PRKAR1A: variants seen among roughly 807,000 people sequenced by gnomAD.
PRKAR1A encodes the protein cAMP-dependent protein kinase type I-alpha regulatory subunit.
In PRKAR1A, 3 loss-of-function variants were observed where a neutral mutation model predicts 52.0. The ratio of observed to expected loss-of-function variants is 0.06; its 90% CI spans 0.03 to 0.15. The LOEUF (loss-of-function observed/expected upper bound fraction) is 0.15. Among genes scored for constraint, PRKAR1A ranks in the 10% least tolerant of loss-of-function variants. The pLI is 1.00. For missense variants in PRKAR1A, 240 were observed against 477.4 expected (o/e 0.50, Z 4.63); for synonymous variants, 188 against 168.4 (o/e 1.12, Z -0.90).
At chr17:68,429,950 T>A in the PRKAR1A span, 1 of 1,609,382 alleles carries the variant, frequency 6.2e-7, no homozygotes, top group Non-Finnish European at 8.5e-7. Flanking sequence ...GAAAAATACA[T>A]TGACGAAAGT....
At chr17:68,515,679 CTAAA>C (rs909432854) in intron 2 of PRKAR1A, 103 bp downstream of exon 2, 207 of 1,355,648 alleles carry the variant, frequency 1.5e-4, no homozygotes, top group African/African-American at 7.0e-4. Context: ...AGGAATCTGA[CTAAA>C]TAAAAAGTCT....
At chr17:68,486,498 CTT>C in the PRKAR1A span, among the ~76,000 whole-genome samples, 10 of 40,266 alleles carry the variant, frequency 2.5e-4, no homozygotes, top group African/African-American at 7.0e-4. Context: ...TCCTTCCTTC[CTT>C]CCTTCCTTCT....
At chr17:68,523,958 T>G (rs2085700157) in intron 4 of PRKAR1A, 58 bp from the exon 5 acceptor site, 5 of 1,600,934 alleles carry the variant, frequency 3.1e-6, no homozygotes, top group African/African-American at 1.3e-5. Context: ...AAGCTTAATG[T>G]TTGAAATTCA....
chr17:68,501,577 T>A, the PRKAR1A span, among the ~76,000 whole-genome samples: 5 of 152,318 alleles, frequency 3.3e-5, no homozygotes, highest in Middle Eastern at 3.4e-3. Flanking sequence ...CACCTCAGCT[T>A]CCTGTGTAGC....
chr17:68,530,271 C>A lies in PRKAR1A; in HGVS notation c.974-6C>A, dbSNP rs745570426. ...TTAGCCTGTTACCCATCTTTGCTTT[C>A]TCCAGGTGAAATTGCACTACTGATG... On this transcript the variant is annotated splice_region_variant and splice_polypyrimidine_tract_variant and intron_variant, in intron 10 of 10. Transcript: ENST00000589228. 1.9e-6 allele frequency: 3 copies of A among 1,613,956 alleles called. No homozygotes were observed. In the African/African-American group the frequency reaches 4.0e-5, roughly 22 times the overall value.
At chr17:68,465,346 G>A in the PRKAR1A span, among the ~76,000 whole-genome samples, 2 of 152,144 alleles carry the variant, frequency 1.3e-5, no homozygotes, top group East Asian at 1.9e-4. Context: ...GGTTTAATAC[G>A]CTTCCCTTCT....
At chr17:68,481,902 G>A in the PRKAR1A span, among the ~76,000 whole-genome samples, 1 of 152,228 alleles carries the variant, frequency 6.6e-6, no homozygotes, top group Non-Finnish European at 1.5e-5. Flanking sequence ...GGAGACATAT[G>A]TGTGTCGAGT....
At chr17:68,436,813 A>G in the PRKAR1A span, among the ~76,000 whole-genome samples, 4 of 152,182 alleles carry the variant, frequency 2.6e-5, no homozygotes, top group Non-Finnish European at 5.9e-5. Context: ...CCTGGCCAAC[A>G]TGGTGAAACC....
the PRKAR1A span, among the ~76,000 whole-genome samples, chr17:68,470,553 A>G: frequency 3.3e-5 from 5 of 152,208 alleles, no homozygotes; most frequent in Non-Finnish European, 5.9e-5. Flanking sequence ...TCTCTTCGAT[A>G]TCCTTTGCTT....
chr17:68,459,850 A>ATTT, the PRKAR1A span, among the ~76,000 whole-genome samples: 4 of 147,370 alleles, frequency 2.7e-5, no homozygotes, highest in African/African-American at 7.5e-5. Flanking sequence ...TCAGGTTTTA[A>ATTT]TTTTTTTTTT....
At chr17:68,494,870 G>A in the PRKAR1A span, among the ~76,000 whole-genome samples, 3 of 152,162 alleles carry the variant, frequency 2.0e-5, no homozygotes, top group African/African-American at 7.2e-5. Flanking sequence ...CCTGCCAAAT[G>A]TCCTGCTCCA....
At chr17:68,443,943 C>T in the PRKAR1A span, among the ~76,000 whole-genome samples, 18 of 152,284 alleles carry the variant, frequency 1.2e-4, no homozygotes, top group African/African-American at 4.3e-4. Flanking sequence ...CAAACCATTC[C>T]TCTTCTTATA....
chr17:68,537,799 G>C (rs2086138782), downstream of PRKAR1A: 14 of 1,550,266 alleles, frequency 9.0e-6, no homozygotes, highest in Non-Finnish European at 1.2e-5. This position sits in a 1 kb window ranked among gnomAD's most constrained non-coding sequence, Gnocchi z 4.2. Context: ...TAACTTGCCT[G>C]AACTTCTTTC....
intron 2 of PRKAR1A, among the ~76,000 whole-genome samples, chr17:68,519,837 C>T (rs895452860): frequency 8.5e-5 from 13 of 152,290 alleles, no homozygotes; most frequent in African/African-American, 3.1e-4. Flanking sequence ...CTGTGTGAAG[C>T]ACTTTATATA....
chr17:68,438,871 A>C, the PRKAR1A span, among the ~76,000 whole-genome samples: 1 of 152,248 alleles, frequency 6.6e-6, no homozygotes, highest in Non-Finnish European at 1.5e-5. Flanking sequence ...AAGTGCTGGG[A>C]TTACAGGCGT....
the PRKAR1A span, chr17:68,444,597 C>T: frequency 6.2e-7 from 1 of 1,610,218 alleles, no homozygotes; most frequent in Non-Finnish European, 8.5e-7. Context: ...CCTCTGTAAT[C>T]ACACAGACTT....
rs112473967 is a variant in PRKAR1A at position 68,530,502 on chromosome 17, A to C, written c.*53A>C. 12 of 1,613,724 alleles carry C rather than the reference A, an allele frequency of 7.4e-6. No individual in the cohort carries two copies. The highest frequency in any genetic ancestry group is 5.3e-5 in the African/African-American group (4 of 75,014). ...CCTCTCCCCAATCCATGCTTCACTC[A>C]TGCAAACTGCTTTATTTTCCCTACT... is the stretch of plus-strand genomic sequence containing the variant. On this transcript the variant is annotated 3_prime_UTR_variant, in exon 11 of 11. Coordinates refer to ENST00000589228, the MANE Select transcript of PRKAR1A (RefSeq NM_002734.5).
chr17:68,512,580 G>C (rs1330973360), intron 1 of PRKAR1A, 32 bp downstream of exon 1: 1 of 152,830 alleles, frequency 6.5e-6, no homozygotes, highest in Non-Finnish European at 1.5e-5. Flanking sequence ...CTCAGGCGAG[G>C]TGAGCTTCGT....
At chr17:68,535,627 T>C (rs1242748137), downstream of PRKAR1A, 1 of 453,968 alleles carries the variant, frequency 2.2e-6, no homozygotes, top group African/African-American at 2.0e-5. Context: ...AGGAAATCTT[T>C]GGGATTAAGG....
Sources: gnomAD v4.1 joint callset for allele counts (sites outside exome capture counted in the v4.1 genomes callset) on GRCh38, gnomAD v4.1.1 for gene constraint, Gnocchi (gnomAD v3.1) non-coding constraint, MANE v1.5 for transcripts, NCBI Gene and HGNC (gene_info 2026-07-23, HGNC 2026-07-21) for gene names.